XPO1: variants seen among roughly 807,000 people sequenced by gnomAD.
The protein encoded by XPO1 is exportin 1.
XPO1 carries 5 observed loss-of-function variants against 133.3 expected under a neutral mutation model. The observed-to-expected ratio is 0.04, with a 90% confidence interval of 0.02 to 0.08. XPO1 has a LOEUF of 0.08. Among genes scored for constraint, XPO1 ranks in the 10% least tolerant of loss-of-function variants. The probability of loss-of-function intolerance (pLI) is 1.00; values close to 1 mark genes in which losing one functional copy is unlikely to be tolerated. For synonymous variants in XPO1, 419 were observed against 408.2 expected, an observed-to-expected ratio of 1.03 and a Z score of -0.32; for missense variants, 506 against 1,267.5, an observed-to-expected ratio of 0.40 and a Z score of 9.12.
Position 61,488,688 on chromosome 2 carries a change from A to C in XPO1, c.2106T>G (p.Val702=). ...CAAGCTGAATTACAAAGGGGTGTCC[A>C]ACAGCTTTGCAGGCTCTCACATTTG... ...LKTNVRACKA[V]GHPFVIQLGR... Residue 702 remains valine (V), a synonymous_variant, in exon 18 of 25, where the codon GTT becomes GTG. Transcript: ENST00000401558. The C allele has an allele frequency of 6.2e-7, 1 of 1,614,242 alleles. No homozygotes were observed. Among genetic ancestry groups the C allele is most frequent in the Non-Finnish European group, 8.5e-7 (1 of 1,180,034 alleles).
rs1472586683 is a variant in XPO1, at chr2:61,482,550, G to A, written c.2813-11C>T. The A allele has an allele frequency of 6.4e-7, 1 of 1,565,388 alleles. No individual in the cohort carries two copies. The highest frequency in any genetic ancestry group is 8.6e-7 in the Non-Finnish European group (1 of 1,157,750). On this transcript the variant is annotated splice_polypyrimidine_tract_variant and intron_variant, in intron 22 of 24. Coordinates refer to ENST00000401558, the MANE Select transcript of XPO1 (RefSeq NM_003400.4). ...CATGCATTGTTAAACCTGTTGATAA[G>A]AAGAAAATTATTAACTCCAAAATGT...
chr2:61,516,236 C>T (rs1408858778), intron 4 of XPO1, among the ~76,000 whole-genome samples: 1 of 150,604 alleles, frequency 6.6e-6, no homozygotes, highest in South Asian at 2.1e-4. Context: ...ACCCAGGAGG[C>T]GGAGGCTGCA....
At chr2:61,532,416 C>T (rs887242233) in intron 2 of XPO1, among the ~76,000 whole-genome samples, 1 of 151,996 alleles carries the variant, frequency 6.6e-6, no homozygotes, top group Non-Finnish European at 1.5e-5. Context: ...CGTGAGCCAC[C>T]GCGCCCGGCC....
At position 61,479,180 on chromosome 2, in the gene XPO1, CAT is replaced by C. The variant is rs1392161576; in HGVS notation, c.3070-216_3070-215del. On this transcript the variant is annotated intron_variant, in intron 24 of 24. Coordinates refer to ENST00000401558, the MANE Select transcript of XPO1 (RefSeq NM_003400.4). ...GTGGGGGGGAAGATTACAAAAGAATCATGGGCCCCGGCATGGTGGCTCACGCC... is the reference window on the plus strand; with the variant it reads ...GTGGGGGGGAAGATTACAAAAGAATCGGGCCCCGGCATGGTGGCTCACGCC... Among the ~76,000 whole-genome samples the C allele has an allele frequency of 2.0e-5, 3 of 152,140 alleles. No individual in the cohort carries two copies. In the East Asian group the frequency reaches 5.8e-4, roughly 29 times the overall value.
chr2:61,520,071 G>A (rs902399233), intron 4 of XPO1, among the ~76,000 whole-genome samples: 1 of 152,040 alleles, frequency 6.6e-6, no homozygotes, highest in Admixed American at 6.6e-5. Context: ...TTAATATTTA[G>A]TAGTAATCGG....
Position 61,531,979 on chromosome 2 carries a change from A to G in XPO1, c.126+1793T>C, listed in dbSNP as rs183489951. 5.0e-4 allele frequency among the ~76,000 whole-genome samples: 76 copies of G among 152,344 alleles called. 1 individual carries two copies. The highest frequency in any genetic ancestry group is 1.8e-3 in the African/African-American group (74 of 41,582). Reference sequence around the variant, plus strand: ...ACCTTTTTCAAGTTTCTACTATAGTAAAAGCAGTACTGTTGCATTTCATAA... The same window carrying G: ...ACCTTTTTCAAGTTTCTACTATAGTGAAAGCAGTACTGTTGCATTTCATAA... On this transcript the variant is annotated intron_variant, in intron 2 of 24. Transcript: ENST00000401558.
chr2:61,479,208 T>G (rs972277730), intron 24 of XPO1, among the ~76,000 whole-genome samples: 5 of 152,188 alleles, frequency 3.3e-5, no homozygotes, highest in African/African-American at 1.2e-4. Flanking sequence ...GGCTCACGCC[T>G]GTAATCCCAA....
chr2:61,533,873 C>A lies in XPO1; in HGVS notation c.25G>T (p.Ala9Ser). The change falls in exon 2 of 25, where the codon GCA becomes TCA. Residue 9 changes from alanine (A) to serine (S), a missense_variant. By Grantham distance (99) the Ala-to-Ser change is moderately conservative. Coordinates refer to ENST00000401558, the MANE Select transcript of XPO1 (RefSeq NM_003400.4). ...AGCAGCTGACGAGCTGCATGGTCTG[C>A]TAACATTGTCATAATTGCTGGCATA... is the stretch of plus-strand genomic sequence containing the variant. Reference protein sequence around the residue: MPAIMTMLADHAARQLLDF... With the variant: MPAIMTMLSDHAARQLLDF... 6.3e-7 allele frequency: 1 copy of A among 1,593,542 alleles called. No homozygotes were observed. Among genetic ancestry groups the A allele is most frequent in the South Asian group, 1.2e-5 (1 of 86,202 alleles).
chr2:61,479,010 C>T lies in XPO1; in HGVS notation c.3070-44G>A, dbSNP rs191977641. 3.3e-4 allele frequency: 531 copies of T among 1,587,450 alleles called. 3 individuals carry two copies. The African/African-American group carries it at 6.6e-3, about 20-fold the overall frequency. ...GAAATGTCAACGCAATAAACTTCAA[C>T]TTGCAAAGAAAGAAATCATAGATGA... is the stretch of plus-strand genomic sequence containing the variant. On this transcript the variant is annotated intron_variant, in intron 24 of 24. Coordinates refer to ENST00000401558, the MANE Select transcript of XPO1 (RefSeq NM_003400.4).
At chr2:61,485,473 A>ATCCCCC (rs1553402570) in intron 20 of XPO1, 1 of 103,552 alleles carries the variant, frequency 9.7e-6, no homozygotes, top group Non-Finnish European at 2.0e-5. Flanking sequence ...GGCTCAAGTG[A>ATCCCCC]CCCCCCCCCC....
At chr2:61,513,745 T>G (rs1248021609) in intron 4 of XPO1, among the ~76,000 whole-genome samples, 1 of 152,116 alleles carries the variant, frequency 6.6e-6, no homozygotes, top group Non-Finnish European at 1.5e-5. Context: ...AAATCTGAAA[T>G]TTTTGCTCTG....
At chr2:61,513,383 T>A (rs1233700938) in intron 4 of XPO1, among the ~76,000 whole-genome samples, 1 of 89,798 alleles carries the variant, frequency 1.1e-5, no homozygotes, top group Admixed American at 1.3e-4. Flanking sequence ...TTTTTTTTTT[T>A]GAGAGAGAGT....
At position 61,493,263 on chromosome 2, in the gene XPO1, T is replaced by C. The variant is rs879644546; in HGVS notation, c.1246-210A>G. 7 of 419,470 alleles carry C rather than the reference T, an allele frequency of 1.7e-5. No individual in the cohort carries two copies. The Admixed American group carries it at 2.8e-4, about 17-fold the overall frequency. 26.0% of individuals were successfully genotyped at this position (419,470 alleles called of 1,614,324 possible). On this transcript the variant is annotated intron_variant, in intron 12 of 24. Coordinates refer to ENST00000401558, the MANE Select transcript of XPO1 (RefSeq NM_003400.4). ...TGAGAGCAGCTTGAGCAACACAAAATGACACCCAATCTCTAAAACAATAAA... is the reference window on the plus strand; with the variant it reads ...TGAGAGCAGCTTGAGCAACACAAAACGACACCCAATCTCTAAAACAATAAA...
chr2:61,502,522 G>A (rs1009499347), intron 4 of XPO1: 3 of 430,646 alleles, frequency 7.0e-6, no homozygotes, highest in Non-Finnish European at 1.2e-5. Context: ...GGAGGCTGAG[G>A]TGGGTGGATC....
chr2:61,487,305 G>C (rs893721442), intron 19 of XPO1, among the ~76,000 whole-genome samples: 4 of 152,264 alleles, frequency 2.6e-5, no homozygotes, highest in African/African-American at 9.6e-5. Flanking sequence ...CAAGCTTCTT[G>C]TAAATTACAA....
chr2:61,482,294 T>C (rs958944651), intron 23 of XPO1, 86 bp downstream of exon 23: 3 of 1,315,024 alleles, frequency 2.3e-6, no homozygotes, highest in Non-Finnish European at 3.1e-6. Flanking sequence ...TCCTCCCACC[T>C]TAGGCTTCCC....
chr2:61,500,006 C>T, intron 6 of XPO1, 112 bp from the exon 7 acceptor site: 9 of 1,054,938 alleles, frequency 8.5e-6, no homozygotes, highest in Non-Finnish European at 1.1e-5. Context: ...AATCACTTTT[C>T]ATTTTCTCCT....
At chr2:61,489,101 CAAAAAA>C (rs35187682) in intron 17 of XPO1, among the ~76,000 whole-genome samples, 1 of 141,504 alleles carries the variant, frequency 7.1e-6, no homozygotes, top group African/African-American at 2.6e-5. Context: ...GACTCCGTCT[CAAAAAA>C]AAAAAAAGAA....
chr2:61,521,026 T>C (rs909090393), intron 4 of XPO1, among the ~76,000 whole-genome samples: 3 of 152,220 alleles, frequency 2.0e-5, no homozygotes, highest in African/African-American at 7.2e-5. Flanking sequence ...CTTATTAATT[T>C]CTCAGTCCAT....
Sources: gnomAD v4.1 joint callset for allele counts (sites outside exome capture counted in the v4.1 genomes callset) on GRCh38, gnomAD v4.1.1 for gene constraint, MANE v1.5 for transcripts, NCBI Gene and HGNC (gene_info 2026-07-23, HGNC 2026-07-21) for gene names.